Variants in NSMCE2 observed in about 807,000 individuals in gnomAD.
The protein encoded by NSMCE2 is E3 SUMO-protein ligase NSE2.
NSMCE2 carries 24 observed loss-of-function variants against 23.8 expected under a neutral mutation model. The ratio of observed to expected loss-of-function variants is 1.01; its 90% confidence interval spans 0.73 to 1.42. NSMCE2 has a LOEUF of 1.42. NSMCE2 is among the 40% of genes most tolerant of loss of function. The pLI is 0.00. For synonymous variants in NSMCE2, 92 were observed against 94.1 expected (o/e 0.98, Z 0.13); for missense variants, 284 against 296.5 (o/e 0.96, Z 0.31).
rs1554642880 is a variant in NSMCE2, at chr8:125,353,902, A to AT, written c.419-3317_419-3316insT. 7.0e-3 allele frequency among the ~76,000 whole-genome samples: 1,028 copies of AT among 146,140 alleles called. 8 individuals are homozygous for AT. The highest frequency in any genetic ancestry group is 0.023 in the African/African-American group (912 of 40,462). Reference sequence around the variant, plus strand: ...CCGTCTCAAAAACTAAAAAATAAAAAATATATATATATATAATTTTATTGC... The same window carrying AT: ...CCGTCTCAAAAACTAAAAAATAAAAATATATATATATATATAATTTTATTGC... On this transcript the variant is annotated intron_variant, in intron 5 of 7. Transcript: ENST00000287437.
intron 5 of NSMCE2, among the ~76,000 whole-genome samples, chr8:125,233,882 T>C (rs1378548471): frequency 6.6e-6 from 1 of 151,926 alleles, no homozygotes; most frequent in African/African-American, 2.4e-5. Flanking sequence ...ATTATTTATT[T>C]AGAAAAATCT....
In NSMCE2 at chr8:125,122,462, A is replaced by G. The variant is rs112718407; in HGVS notation, c.157+19975A>G. Among the ~76,000 whole-genome samples the G allele has an allele frequency of 1.6e-3, 237 of 152,250 alleles. 1 individual carries two copies. The highest frequency in any genetic ancestry group is 5.4e-3 in the African/African-American group (224 of 41,542). ...ATGATGTCACTGGCTATATCCCCTTATACTCTATATACTCCAGTCATGGAG... is the reference window on the plus strand; with the variant it reads ...ATGATGTCACTGGCTATATCCCCTTGTACTCTATATACTCCAGTCATGGAG... On this transcript the variant is annotated intron_variant, in intron 3 of 7. Transcript: ENST00000287437.
intron 3 of NSMCE2, among the ~76,000 whole-genome samples, chr8:125,119,552 C>T (rs1406282057): frequency 1.3e-5 from 2 of 152,128 alleles, no homozygotes; most frequent in Non-Finnish European, 2.9e-5. Context: ...ATTGGAGTCA[C>T]TCAATCAGAT....
chr8:125,365,551 T>C (rs1813744951), intron 7 of NSMCE2, among the ~76,000 whole-genome samples: 1 of 152,182 alleles, frequency 6.6e-6, no homozygotes, highest in South Asian at 2.1e-4. Context: ...GTGTTTTGTC[T>C]TCATATTTAA....
At chr8:125,207,103 A>G (rs1824147489) in intron 5 of NSMCE2, among the ~76,000 whole-genome samples, 1 of 152,122 alleles carries the variant, frequency 6.6e-6, no homozygotes. Flanking sequence ...TTCAAAAACT[A>G]AGTTCCATAA....
At position 125,182,246 on chromosome 8, in the gene NSMCE2, A is replaced by G; in HGVS notation, c.408A>G (p.Leu136=). The G allele has an allele frequency of 3.1e-6, 5 of 1,602,110 alleles. No homozygotes were observed. The highest frequency in any genetic ancestry group is 4.3e-6 in the Non-Finnish European group (5 of 1,176,056). The change falls in exon 5 of 8, where the codon CTA becomes CTG. Residue 136 remains leucine, a synonymous_variant. Transcript: ENST00000287437. ...AGTTTAAACAACAGCTGAAAGAACT[A>G]AAGAAGCAATGTAAGTCAACATGCT... The part of the protein sequence containing the change: ...FVQFKQQLKE[L]KKQCGLQADR...
At chr8:125,164,586 G>A (rs989123566) in intron 4 of NSMCE2, among the ~76,000 whole-genome samples, 2 of 152,066 alleles carry the variant, frequency 1.3e-5, no homozygotes, top group African/African-American at 2.4e-5. Flanking sequence ...TAGAATTAAG[G>A]AACTATTTGA....
chr8:125,101,815 A>G (rs982948250), intron 1 of NSMCE2, among the ~76,000 whole-genome samples: 2 of 152,258 alleles, frequency 1.3e-5, no homozygotes, highest in African/African-American at 4.8e-5. Context: ...ATCTGTTAGA[A>G]GCCAGAGGAA....
chr8:125,312,075 T>TA (rs56906621), intron 5 of NSMCE2, among the ~76,000 whole-genome samples: 2,112 of 99,378 alleles, frequency 0.021, 68 homozygotes, highest in African/African-American at 0.074. Context: ...CCATCTCAAT[T>TA]AAAAAAAAAA....
Position 125,167,997 on chromosome 8 carries a change from G to T in NSMCE2, c.265-14106G>T, listed in dbSNP as rs1456796251. Reference sequence around the variant, plus strand: ...TGAAAGTCAGTTTGGTTGTTCAAAGGTCTCCTTAATCATACAGTTCGGGTA... The same window carrying T: ...TGAAAGTCAGTTTGGTTGTTCAAAGTTCTCCTTAATCATACAGTTCGGGTA... On this transcript the variant is annotated intron_variant, in intron 4 of 7. Transcript: ENST00000287437. 2.6e-5 allele frequency among the ~76,000 whole-genome samples: 4 copies of T among 152,120 alleles called. No homozygotes were observed. In the East Asian group the frequency reaches 7.7e-4, roughly 29 times the overall value.
At chr8:125,110,153 G>A (rs902588454) in intron 3 of NSMCE2, among the ~76,000 whole-genome samples, 3 of 152,112 alleles carry the variant, frequency 2.0e-5, no homozygotes, top group Non-Finnish European at 4.4e-5. Context: ...TTTCAAAGAT[G>A]TGTCATCTCT....
At chr8:125,106,487 G>C (rs1818460779) in intron 3 of NSMCE2, among the ~76,000 whole-genome samples, 1 of 152,084 alleles carries the variant, frequency 6.6e-6, no homozygotes, top group Admixed American at 6.6e-5. Flanking sequence ...AGACCAGCCT[G>C]ACCAACTTGG....
intron 6 of NSMCE2, 51 bp downstream of exon 6, chr8:125,357,370 GGCA>G: frequency 1.6e-6 from 2 of 1,227,628 alleles, no homozygotes; most frequent in South Asian, 2.4e-5. Flanking sequence ...ACTTCACAGA[GGCA>G]GAAAGGTTCC....
chr8:125,260,904 A>G (rs911034471), intron 5 of NSMCE2, among the ~76,000 whole-genome samples: 10 of 152,058 alleles, frequency 6.6e-5, no homozygotes, highest in African/African-American at 1.2e-4. Flanking sequence ...GATTACAGGC[A>G]TGAGCCATCA....
At chr8:125,165,306 C>T (rs1821820736) in intron 4 of NSMCE2, among the ~76,000 whole-genome samples, 1 of 152,200 alleles carries the variant, frequency 6.6e-6, no homozygotes, top group African/African-American at 2.4e-5. Flanking sequence ...CTCTTTTCAT[C>T]TTCATGCACA....
intron 3 of NSMCE2, among the ~76,000 whole-genome samples, chr8:125,123,105 A>C (rs1164321475): frequency 6.6e-6 from 1 of 152,210 alleles, no homozygotes; most frequent in Non-Finnish European, 1.5e-5. Flanking sequence ...AAGATAACAG[A>C]AATGGTTCTT....
At chr8:125,350,977 A>G (rs972547728) in intron 5 of NSMCE2, among the ~76,000 whole-genome samples, 1 of 152,226 alleles carries the variant, frequency 6.6e-6, no homozygotes, top group African/African-American at 2.4e-5. Flanking sequence ...GGACCAAGGC[A>G]TGAAGTAGAG....
intron 1 of NSMCE2, among the ~76,000 whole-genome samples, chr8:125,094,961 T>C (rs1225873437): frequency 6.6e-6 from 1 of 152,186 alleles, no homozygotes; most frequent in Non-Finnish European, 1.5e-5. Context: ...CAAGCGATCC[T>C]ACCACATCTC....
At chr8:125,265,471 T>G (rs562171798) in intron 5 of NSMCE2, among the ~76,000 whole-genome samples, 1 of 152,324 alleles carries the variant, frequency 6.6e-6, no homozygotes, top group South Asian at 2.1e-4. Context: ...TCCACCCATG[T>G]CGGCCTCCAA....
Sources: allele counts gnomAD v4.1 joint callset (sites outside exome capture counted in the v4.1 genomes callset), GRCh38; gene constraint gnomAD v4.1.1; transcripts MANE v1.5; gene names NCBI Gene and HGNC (gene_info 2026-07-23, HGNC 2026-07-21).